CFAP61: variants seen among roughly 807,000 people sequenced by gnomAD.
CFAP61 encodes cilia and flagella associated protein 61.
A neutral mutation model predicts 135.6 loss-of-function variants in CFAP61; 107 were observed. That is an observed-to-expected ratio of 0.79 (90% CI 0.67 to 0.93). The LOEUF (loss-of-function observed/expected upper bound fraction) is 0.93, where lower values mean the gene tolerates loss of function less well. CFAP61 is among the 40% of genes least tolerant of loss of function. CFAP61 has a pLI of 0.00. For synonymous variants in CFAP61, 575 were observed against 578.5 expected, an observed-to-expected ratio of 0.99 and a Z score of 0.09; for missense variants, 1,507 against 1,556.2, an observed-to-expected ratio of 0.97 and a Z score of 0.53.
intron 26 of CFAP61, among the ~76,000 whole-genome samples, chr20:20,354,806 G>T (rs954455356): frequency 6.6e-6 from 1 of 151,052 alleles, no homozygotes; most frequent in Non-Finnish European, 1.5e-5. Flanking sequence ...ACTGTGTCAG[G>T]GGAGGTGGTC....
intron 25 of CFAP61, among the ~76,000 whole-genome samples, chr20:20,311,571 C>T (rs1009244216): frequency 1.3e-5 from 2 of 151,748 alleles, no homozygotes; most frequent in African/African-American, 4.8e-5. Flanking sequence ...GAGAGGGAGC[C>T]GAGAGTCCGG....
intron 7 of CFAP61, among the ~76,000 whole-genome samples, chr20:20,098,070 A>G (rs1035394751): frequency 2.0e-5 from 3 of 152,154 alleles, no homozygotes; most frequent in Non-Finnish European, 4.4e-5. Context: ...GCATGGTCTG[A>G]GCAGAGGGCA....
intron 2 of CFAP61, among the ~76,000 whole-genome samples, chr20:20,057,290 T>G (rs1435033460): frequency 6.6e-6 from 1 of 152,148 alleles, no homozygotes; most frequent in South Asian, 2.1e-4. Context: ...TTTCCTATAA[T>G]AATATGCAAA....
In CFAP61 at chr20:20,142,917, C is replaced by T; in HGVS notation, c.920C>T (p.Pro307Leu). 6.3e-7 allele frequency: 1 copy of T among 1,599,796 alleles called. No homozygotes were observed. The highest frequency in any genetic ancestry group is 8.5e-7 in the Non-Finnish European group (1 of 1,172,070). The change falls in exon 9 of 27, where the codon CCT (proline) becomes CTT (leucine). Residue 307 changes from proline to leucine, a missense_variant. Transcript: ENST00000245957. ...AAAATAGTCGAGGAGTTGCAGGAAC[C>T]TGTCTCTCCAGATACCATGGAAAAC... is the stretch of plus-strand genomic sequence containing the variant. ...SQKIVEELQEPVSPDTMENIQ... is the reference protein window; with the variant it reads ...SQKIVEELQELVSPDTMENIQ...
chr20:20,085,426 A>T, intron 6 of CFAP61: 1 of 1,364,558 alleles, frequency 7.3e-7, no homozygotes, highest in South Asian at 1.1e-5. Flanking sequence ...GAATGCATTT[A>T]GCAGAACAAG....
intron 22 of CFAP61, among the ~76,000 whole-genome samples, chr20:20,284,542 C>A: frequency 6.6e-6 from 1 of 152,180 alleles, no homozygotes; most frequent in Non-Finnish European, 1.5e-5. Flanking sequence ...GCCTCAGCCT[C>A]CCAAAGTGTT....
intron 25 of CFAP61, among the ~76,000 whole-genome samples, chr20:20,331,286 G>A (rs2057982017): frequency 6.6e-6 from 1 of 151,944 alleles, no homozygotes; most frequent in Non-Finnish European, 1.5e-5. Flanking sequence ...CTCTTATTGT[G>A]TTTTGGTGAG....
chr20:20,170,286 C>G (rs1470187309), intron 13 of CFAP61, among the ~76,000 whole-genome samples: 1 of 152,120 alleles, frequency 6.6e-6, no homozygotes, highest in African/African-American at 2.4e-5. Flanking sequence ...TTATACTATA[C>G]CAAGTTTTTT....
At chr20:20,146,785 TG>T (rs1184397203) in intron 9 of CFAP61, among the ~76,000 whole-genome samples, 1 of 152,212 alleles carries the variant, frequency 6.6e-6, no homozygotes, top group East Asian at 1.9e-4. Flanking sequence ...TCAATAGTTT[TG>T]GGGCTAAAGT....
intron 17 of CFAP61, among the ~76,000 whole-genome samples, chr20:20,205,914 CA>C (rs2056837115): frequency 6.6e-6 from 1 of 151,926 alleles, no homozygotes; most frequent in Admixed American, 6.6e-5. Flanking sequence ...ATACATTTCC[CA>C]AGATTCAGTT....
chr20:20,075,211 G>A lies in CFAP61; in HGVS notation c.394G>A (p.Glu132Lys). ...CAGAACCGTGTATAAGGCAGTGCCA[G>A]AGCTGCACTTCATATTTCTCATCGT... ...ILRTVYKAVP[E>K]LHFIFLIVPS... is the part of the protein sequence containing the mutation. Residue 132 changes from glutamate to lysine, a missense_variant, in exon 5 of 27, where the codon GAG becomes AAG. Coordinates refer to ENST00000245957, the MANE Select transcript of CFAP61 (RefSeq NM_015585.4). 5.0e-6 allele frequency: 8 copies of A among 1,614,082 alleles called. No individual in the cohort carries two copies. The highest frequency in any genetic ancestry group is 6.8e-6 in the Non-Finnish European group (8 of 1,180,002).
chr20:20,260,777 A>G (rs529177496), intron 20 of CFAP61, among the ~76,000 whole-genome samples: 5 of 152,320 alleles, frequency 3.3e-5, no homozygotes, highest in African/African-American at 1.2e-4. Flanking sequence ...TAGCACTGCC[A>G]CTTTCCGCCA....
At chr20:20,079,086 A>G (rs370202821) in intron 6 of CFAP61, among the ~76,000 whole-genome samples, 3 of 152,374 alleles carry the variant, frequency 2.0e-5, no homozygotes, top group African/African-American at 7.2e-5. Context: ...CTATTAAAGA[A>G]AAATCAGATG....
At chr20:20,114,393 CTGAA>C (rs1398675936) in intron 8 of CFAP61, among the ~76,000 whole-genome samples, 1 of 152,170 alleles carries the variant, frequency 6.6e-6, no homozygotes, top group Non-Finnish European at 1.5e-5. Flanking sequence ...CTCCTAATCT[CTGAA>C]TGTGGTATAG....
Position 20,298,312 on chromosome 20 carries a change from G to C in CFAP61, c.3348G>C (p.Leu1116Phe). 2 of 1,614,134 alleles carry C rather than the reference G, an allele frequency of 1.2e-6. No homozygotes were observed. Among genetic ancestry groups the C allele is most frequent in the South Asian group, 2.2e-5 (2 of 91,076 alleles). ...EPFPASNYIR[L>F]FGQHEQLLNN... ...TCCCCGCCTCCAACTACATCCGCTT[G>C]TTTGGCCAGCACGAGCAACTCCTCA... The change falls in exon 25 of 27, where the codon TTG becomes TTC. Residue 1116 changes from leucine to phenylalanine, a missense_variant. Leu to Phe is a conservative substitution (Grantham distance 22). Transcript: ENST00000245957.
At chr20:20,088,948 G>C (rs2046990740) in intron 6 of CFAP61, among the ~76,000 whole-genome samples, 1 of 152,132 alleles carries the variant, frequency 6.6e-6, no homozygotes, top group Admixed American at 6.5e-5. Flanking sequence ...TTTTCATCCA[G>C]AGTGCATGCG....
chr20:20,350,481 T>G (rs141384436), intron 26 of CFAP61, among the ~76,000 whole-genome samples: 1,690 of 152,026 alleles, frequency 0.011, 32 homozygotes, highest in African/African-American at 0.035. Context: ...ATACAAAAAT[T>G]AGCCGGACGT....
chr20:20,202,165 C>T (rs1403038374), intron 17 of CFAP61, among the ~76,000 whole-genome samples: 2 of 152,132 alleles, frequency 1.3e-5, no homozygotes, highest in Admixed American at 1.3e-4. Context: ...GTATGCTGTG[C>T]CCCTCACCCC....
chr20:20,293,843 A>T (rs2055186930), intron 24 of CFAP61, among the ~76,000 whole-genome samples: 1 of 152,202 alleles, frequency 6.6e-6, no homozygotes, highest in South Asian at 2.1e-4. Flanking sequence ...TCTGCCTTGG[A>T]TACCATCAAA....
Sources: allele counts gnomAD v4.1 joint callset (sites outside exome capture counted in the v4.1 genomes callset), GRCh38; gene constraint gnomAD v4.1.1; transcripts MANE v1.5; gene names NCBI Gene and HGNC (gene_info 2026-07-23, HGNC 2026-07-21).